The following SYNPO2 variants were observed in gnomAD, a reference collection of about 807,000 sequenced individuals.
SYNPO2 encodes synaptopodin 2.
Under a neutral mutation model 85.0 loss-of-function variants are expected in SYNPO2, and 56 were observed. The ratio of observed to expected loss-of-function variants is 0.66; its 90% CI spans 0.53 to 0.82. SYNPO2 has a LOEUF of 0.82. SYNPO2 is among the 40% of genes least tolerant of loss of function. The pLI is 0.00. For missense variants in SYNPO2, 1,575 were observed against 1,534.2 expected (o/e 1.03, Z -0.44); for synonymous variants, 602 against 591.1 (o/e 1.02, Z -0.27).
intron 3 of SYNPO2, 48 bp from the exon 4 acceptor site, chr4:119,029,797 C>G (rs1451859191): frequency 6.6e-7 from 1 of 1,504,754 alleles, no homozygotes; most frequent in African/African-American, 1.4e-5. Flanking sequence ...TGGTGTCTTC[C>G]TTGAACTCAT....
intron 1 of SYNPO2, among the ~76,000 whole-genome samples, chr4:118,946,633 C>A (rs560935060): frequency 6.6e-6 from 1 of 152,152 alleles, no homozygotes; most frequent in African/African-American, 2.4e-5. Context: ...ACTGATGATC[C>A]CTTTTATGTT....
At chr4:118,853,887 C>CA (rs1731464130) in intron 1 of SYNPO2, among the ~76,000 whole-genome samples, 1 of 152,168 alleles carries the variant, frequency 6.6e-6, no homozygotes, top group Non-Finnish European at 1.5e-5. Flanking sequence ...AGGAAAGAGG[C>CA]TGGATACCAT....
chr4:118,876,697 CTT>C (rs1258903409), intron 1 of SYNPO2, among the ~76,000 whole-genome samples: 5 of 105,290 alleles, frequency 4.7e-5, no homozygotes, highest in Admixed American at 3.9e-4. Context: ...TTCTTTCTTT[CTT>C]TCTTTCTTTC....
At chr4:119,004,403 T>G (rs1387331334) in intron 1 of SYNPO2, among the ~76,000 whole-genome samples, 2 of 138,218 alleles carry the variant, frequency 1.4e-5, no homozygotes, top group African/African-American at 5.3e-5. Context: ...CAGTCCCCGG[T>G]GTGTGATGTT....
At chr4:119,017,019 G>A (rs1489090306) in intron 1 of SYNPO2, among the ~76,000 whole-genome samples, 1 of 152,054 alleles carries the variant, frequency 6.6e-6, no homozygotes, top group Non-Finnish European at 1.5e-5. Context: ...AAAAGAAAAC[G>A]TTTTTGTCTG....
intron 1 of SYNPO2, among the ~76,000 whole-genome samples, chr4:118,927,460 C>T (rs1733747269): frequency 6.6e-6 from 1 of 152,084 alleles, no homozygotes; most frequent in Non-Finnish European, 1.5e-5. Flanking sequence ...TCATTAAAGG[C>T]TATACAACTG....
At chr4:119,007,919 C>T (rs1431959000) in intron 1 of SYNPO2, among the ~76,000 whole-genome samples, 1 of 152,104 alleles carries the variant, frequency 6.6e-6, no homozygotes, top group Non-Finnish European at 1.5e-5. Context: ...GAATGGATCA[C>T]ACATGTAGAC....
At chr4:119,044,070 A>G (rs1738803817) in intron 4 of SYNPO2, 2 of 152,042 alleles carry the variant, frequency 1.3e-5, no homozygotes, top group Non-Finnish European at 1.5e-5. Flanking sequence ...CATTCCAATA[A>G]CTCCCGAGAC....
intron 4 of SYNPO2, among the ~76,000 whole-genome samples, chr4:119,048,554 G>A (rs1307518672): frequency 6.6e-6 from 1 of 152,146 alleles, no homozygotes; most frequent in Non-Finnish European, 1.5e-5. Flanking sequence ...TTAAAGCAGG[G>A]GAGAAAGGTA....
At chr4:118,908,514 G>T (rs1733019041) in intron 1 of SYNPO2, among the ~76,000 whole-genome samples, 1 of 152,062 alleles carries the variant, frequency 6.6e-6, no homozygotes, top group Non-Finnish European at 1.5e-5. Flanking sequence ...ATCGTTTCAG[G>T]ATAAAAAACA....
Position 118,933,829 on chromosome 4 carries a change from G to GT in SYNPO2, c.105+44705dup, listed in dbSNP as rs71595334. On this transcript the variant is annotated intron_variant, in intron 1 of 4. Coordinates refer to ENST00000307142, the MANE Select transcript of SYNPO2 (RefSeq NM_133477.3). ...ATAGCTGCTTTTTGCTGTTGTTGTT[G>GT]TTTTTTTTTTTTTTTTTGGACAGTA... is the stretch of plus-strand genomic sequence containing the variant. Among the ~76,000 whole-genome samples the GT allele has an allele frequency of 2.0e-3, 206 of 102,310 alleles. 9 individuals carry two copies. The highest frequency in any genetic ancestry group is 4.5e-3 in the South Asian group (12 of 2,652). The allele number at this position is 102,310 out of a possible 152,430, so 67.1% of individuals were successfully genotyped here. A position where few individuals can be genotyped will look rare whatever the true frequency, so the allele number is the denominator to read the frequency against.
chr4:118,879,609 G>A (rs1732033320), intron 1 of SYNPO2, among the ~76,000 whole-genome samples: 1 of 152,152 alleles, frequency 6.6e-6, no homozygotes, highest in Admixed American at 6.5e-5. Flanking sequence ...TGCCAGACCT[G>A]TGGGAAACAC....
intron 4 of SYNPO2, among the ~76,000 whole-genome samples, chr4:119,051,454 G>A (rs1037475924): frequency 6.6e-6 from 1 of 151,908 alleles, no homozygotes; most frequent in East Asian, 1.9e-4. Context: ...GCCTCCCAAA[G>A]TGCTGGGATT....
chr4:119,011,538 GC>G (rs1737302339), intron 1 of SYNPO2, among the ~76,000 whole-genome samples: 1 of 152,072 alleles, frequency 6.6e-6, no homozygotes, highest in Non-Finnish European at 1.5e-5. Context: ...TTCCACAAAT[GC>G]CCTGGGAATT....
At chr4:119,034,686 A>T in intron 4 of SYNPO2, 2 of 985,506 alleles carry the variant, frequency 2.0e-6, no homozygotes, top group Non-Finnish European at 2.4e-6. Flanking sequence ...ACTCTGAGGG[A>T]GATGGGAAGT....
At chr4:118,903,998 G>C (rs1040776414) in intron 1 of SYNPO2, among the ~76,000 whole-genome samples, 1 of 152,088 alleles carries the variant, frequency 6.6e-6, no homozygotes, top group Non-Finnish European at 1.5e-5. Context: ...TTACAGGCAT[G>C]AGCCACCGTG....
intron 1 of SYNPO2, among the ~76,000 whole-genome samples, chr4:118,858,185 C>T (rs1234842296): frequency 6.6e-6 from 1 of 152,116 alleles, no homozygotes; most frequent in Non-Finnish European, 1.5e-5. Context: ...TGCTTGCTGG[C>T]CTTTGGCTAA....
chr4:118,892,798 T>C (rs1732420773), intron 1 of SYNPO2, among the ~76,000 whole-genome samples: 1 of 152,146 alleles, frequency 6.6e-6, no homozygotes, highest in Admixed American at 6.5e-5. Context: ...TTTCAAATAA[T>C]TGTTCATTAA....
At chr4:118,874,782 A>G (rs1267504737) in intron 1 of SYNPO2, among the ~76,000 whole-genome samples, 1 of 152,234 alleles carries the variant, frequency 6.6e-6, no homozygotes. Context: ...CAAAAATTTC[A>G]AGTTTTTTAA....
Sources: gnomAD v4.1 joint callset for allele counts (sites outside exome capture counted in the v4.1 genomes callset) on GRCh38, gnomAD v4.1.1 for gene constraint, MANE v1.5 for transcripts, NCBI Gene and HGNC (gene_info 2026-07-23, HGNC 2026-07-21) for gene names.